Variants in INPP5B observed in about 807,000 individuals in gnomAD.
INPP5B encodes inositol polyphosphate-5-phosphatase B.
INPP5B carries 90 observed loss-of-function variants against 118.5 expected under a neutral mutation model. The observed-to-expected ratio is 0.76, with a 90% CI of 0.64 to 0.90. INPP5B has a LOEUF of 0.90. Ranked by LOEUF, INPP5B falls within the 40% of genes least tolerant of loss-of-function variation. The pLI, the probability that INPP5B is intolerant of heterozygous loss-of-function variation, is 0.00. For synonymous variants in INPP5B, 385 were observed against 418.9 expected, an observed-to-expected ratio of 0.92 and a Z score of 0.99; for missense variants, 984 against 1,125.6, an observed-to-expected ratio of 0.87 and a Z score of 1.80.
chr1:37,919,266 T>C (rs1159951414), intron 7 of INPP5B, among the ~76,000 whole-genome samples: 1 of 152,220 alleles, frequency 6.6e-6, no homozygotes, highest in Admixed American at 6.5e-5. Context: ...CTACCCTTCC[T>C]GAGCACCTAT....
intron 6 of INPP5B, among the ~76,000 whole-genome samples, chr1:37,934,359 T>G (rs1286928096): frequency 1.3e-5 from 2 of 149,610 alleles, no homozygotes; most frequent in Non-Finnish European, 2.9e-5. Context: ...GAAATACAGT[T>G]GTTGTGCATT....
chr1:37,892,939 C>A (rs1187453555), intron 7 of INPP5B, among the ~76,000 whole-genome samples: 1 of 152,120 alleles, frequency 6.6e-6, no homozygotes, highest in African/African-American at 2.4e-5. Flanking sequence ...GCCACTAAGC[C>A]AGAAAGCAGG....
At chr1:37,863,217 A>AT (rs35261605) in intron 23 of INPP5B, among the ~76,000 whole-genome samples, 16,184 of 148,560 alleles carry the variant, frequency 0.11, 798 homozygotes, top group East Asian at 0.18. Context: ...GCCCTTTAAA[A>AT]AAAAAAAAAA....
intron 17 of INPP5B, 99 bp downstream of exon 17, chr1:37,875,507 A>G (rs1262746106): frequency 2.5e-6 from 2 of 790,998 alleles, no homozygotes; most frequent in East Asian, 2.6e-5. Flanking sequence ...TGACCTCATG[A>G]CCTGCCCACC....
intron 7 of INPP5B, among the ~76,000 whole-genome samples, chr1:37,893,092 T>TC (rs1643896533): frequency 1.3e-5 from 1 of 77,214 alleles, no homozygotes; most frequent in Non-Finnish European, 3.4e-5. Context: ...TTTCTTTTTT[T>TC]TTTTTTTTTT....
chr1:37,912,186 A>C (rs1045919308), intron 7 of INPP5B, among the ~76,000 whole-genome samples: 4 of 152,226 alleles, frequency 2.6e-5, no homozygotes, highest in African/African-American at 9.6e-5. Flanking sequence ...CTTGTTAAGA[A>C]TCTGACCCCT....
chr1:37,945,921 C>T, intron 2 of INPP5B, 71 bp from the exon 3 acceptor site: 1 of 1,368,540 alleles, frequency 7.3e-7, no homozygotes. Flanking sequence ...CCCACCTTCC[C>T]TCTGTTCCCC....
chr1:37,940,988 C>T (rs1034537962), intron 5 of INPP5B, among the ~76,000 whole-genome samples, 190 bp from the exon 6 acceptor site: 2 of 152,106 alleles, frequency 1.3e-5, no homozygotes, highest in Admixed American at 6.6e-5. Context: ...TTAACATCAT[C>T]CCCTCTTTAT....
At position 37,891,390 on chromosome 1, in the gene INPP5B, C is replaced by A. The variant is rs1175332178; in HGVS notation, c.597G>T (p.Arg199Ser). The A allele has an allele frequency of 6.2e-7, 1 of 1,614,030 alleles. No homozygotes were observed. Among genetic ancestry groups the A allele is most frequent in the Non-Finnish European group, 8.5e-7 (1 of 1,179,974 alleles). Residue 199 changes from arginine (R) to serine (S), a missense_variant, in exon 8 of 24, where the codon AGG becomes AGT. Coordinates refer to ENST00000373024, the MANE Select transcript of INPP5B (RefSeq NM_005540.3). ...GCAAGCTTTCTGGTTTATCTTGACCCCTGGAGCTTTGGTCCATAGGCACTC... is the reference window on the plus strand; with the variant it reads ...GCAAGCTTTCTGGTTTATCTTGACCACTGGAGCTTTGGTCCATAGGCACTC... ...GKGVPMDQSS[R>S]GQDKPESLQP...
In INPP5B at chr1:37,873,171, G is replaced by A. The variant is rs763612393; in HGVS notation, c.1952-6C>T. 6 of 1,602,594 alleles carry A rather than the reference G, an allele frequency of 3.7e-6. No homozygotes were observed. The highest frequency in any genetic ancestry group is 1.7e-4 in the Middle Eastern group (1 of 6,042). On this transcript the variant is annotated splice_polypyrimidine_tract_variant and splice_region_variant and intron_variant, in intron 18 of 23. Transcript: ENST00000373024. Reference sequence around the variant, plus strand: ...GTCAATCTCAACATCAGAATCTGCAGAGAAATTTTAAAAATAATGTTGGCC... The same window carrying A: ...GTCAATCTCAACATCAGAATCTGCAAAGAAATTTTAAAAATAATGTTGGCC...
intron 22 of INPP5B, among the ~76,000 whole-genome samples, chr1:37,865,277 G>T (rs1641960294): frequency 6.6e-6 from 1 of 152,102 alleles, no homozygotes; most frequent in Non-Finnish European, 1.5e-5. Flanking sequence ...AAGGCCTGTT[G>T]TATGTGTGAA....
chr1:37,904,369 AT>A (rs949684630), intron 7 of INPP5B, among the ~76,000 whole-genome samples: 13 of 151,380 alleles, frequency 8.6e-5, no homozygotes, highest in African/African-American at 1.2e-4. Context: ...GGGAATGTGG[AT>A]TTTTTTTTCG....
intron 7 of INPP5B, among the ~76,000 whole-genome samples, chr1:37,902,081 G>C (rs1035867738): frequency 6.6e-6 from 1 of 151,862 alleles, no homozygotes; most frequent in Non-Finnish European, 1.5e-5. Flanking sequence ...TGTGTCCTGA[G>C]TTGAAGCGAT....
chr1:37,880,247 T>C, intron 14 of INPP5B, 53 bp from the exon 15 acceptor site: 3 of 1,313,770 alleles, frequency 2.3e-6, no homozygotes, highest in Non-Finnish European at 3.3e-6. Flanking sequence ...GGTCAAACTT[T>C]GAATTAGTGG....
intron 7 of INPP5B, among the ~76,000 whole-genome samples, chr1:37,898,588 G>C (rs1291323723): frequency 6.6e-6 from 1 of 151,920 alleles, no homozygotes; most frequent in Admixed American, 6.6e-5. Flanking sequence ...CCAGCTACTC[G>C]GGAGGCTGAG....
At chr1:37,886,302 C>G (rs1005544845) in intron 12 of INPP5B, among the ~76,000 whole-genome samples, 1 of 151,732 alleles carries the variant, frequency 6.6e-6, no homozygotes, top group Non-Finnish European at 1.5e-5. Context: ...GAATGACTAG[C>G]CAGTCAATGG....
At chr1:37,918,003 G>T (rs190658199) in intron 7 of INPP5B, among the ~76,000 whole-genome samples, 1 of 152,076 alleles carries the variant, frequency 6.6e-6, no homozygotes, top group East Asian at 1.9e-4. Flanking sequence ...TCTGATTCTG[G>T]ACTCTTTCCC....
rs529086263 is a variant in INPP5B at position 37,882,760 on chromosome 1, A to G, written c.1431+47T>C. On this transcript the variant is annotated intron_variant, in intron 14 of 23. Coordinates refer to ENST00000373024, the MANE Select transcript of INPP5B (RefSeq NM_005540.3). ...GGAAGCCAGGCTTTTCTGTGCCCTC[A>G]TGGTGGAGGACAGCTGCTGGAAGAG... 101 of 1,449,252 alleles carry G rather than the reference A, an allele frequency of 7.0e-5. No homozygotes were observed. The East Asian group carries it at 2.2e-3, about 31-fold the overall frequency. The allele number at this position is 1,449,252 out of a possible 1,614,324, so 89.8% of individuals were successfully genotyped here.
At chr1:37,888,468 T>G in intron 9 of INPP5B, 124 bp from the exon 10 acceptor site, 1 of 536,482 alleles carries the variant, frequency 1.9e-6, no homozygotes, top group East Asian at 3.4e-5. Flanking sequence ...ATAAGAAATG[T>G]CATTTCTAAC....
Sources: allele counts gnomAD v4.1 joint callset (sites outside exome capture counted in the v4.1 genomes callset), GRCh38; gene constraint gnomAD v4.1.1; transcripts MANE v1.5; gene names NCBI Gene and HGNC (gene_info 2026-07-23, HGNC 2026-07-21).